Variants in PADI4 observed in about 807,000 individuals in gnomAD.
The protein encoded by PADI4 is peptidyl arginine deiminase 4, also known as protein-arginine deiminase type-4.
A neutral mutation model predicts 75.0 loss-of-function variants in PADI4; 62 were observed. The ratio of observed to expected loss-of-function variants is 0.83; its 90% CI spans 0.67 to 1.02. PADI4 has a LOEUF of 1.02. Ranked by LOEUF, PADI4 falls within the 50% of genes least tolerant of loss-of-function variation. The pLI, the probability that PADI4 is intolerant of heterozygous loss-of-function variation, is 0.00. For missense variants in PADI4, 845 were observed against 850.5 expected (o/e 0.99, Z 0.08); for synonymous variants, 361 against 348.1 (o/e 1.04, Z -0.41).
At chr1:17,358,980 TA>T in intron 14 of PADI4, 72 bp downstream of exon 14, 1 of 1,032,696 alleles carries the variant, frequency 9.7e-7, no homozygotes, top group African/African-American at 1.6e-5. Flanking sequence ...TCCCAGTGAT[TA>T]GAGGCACACA....
chr1:17,359,443 G>A (rs1446383955), intron 15 of PADI4, 35 bp downstream of exon 15: 7 of 1,613,294 alleles, frequency 4.3e-6, no homozygotes, highest in Non-Finnish European at 5.9e-6. Flanking sequence ...CCCAGGGTGT[G>A]GCATGGAGGT....
At position 17,346,956 on chromosome 1, in the gene PADI4, CT is replaced by C. The variant is rs371711731; in HGVS notation, c.1047+827del. ...TTCTTGCCATTCCATCTTTTCTTTTCTTTTTTTTTTCACTCTTGTTGCCCAG... is the reference window on the plus strand; with the variant it reads ...TTCTTGCCATTCCATCTTTTCTTTTCTTTTTTTTTCACTCTTGTTGCCCAG... On this transcript the variant is annotated intron_variant, in intron 9 of 15. Transcript: ENST00000375448. This position sits in a 1 kb window ranked among gnomAD's most constrained non-coding sequence, Gnocchi z 4.3. 1.5e-4 allele frequency among the ~76,000 whole-genome samples: 23 copies of C among 149,608 alleles called. No homozygotes were observed. The highest frequency in any genetic ancestry group is 4.7e-4 in the African/African-American group (19 of 40,756).
chr1:17,329,631 G>T (rs930780564), intron 1 of PADI4, among the ~76,000 whole-genome samples: 1 of 152,164 alleles, frequency 6.6e-6, no homozygotes, highest in South Asian at 2.1e-4. Flanking sequence ...CTCAGGGGTG[G>T]CAGAGGAGGA....
At chr1:17,331,477 A>T (rs959776240) in intron 2 of PADI4, among the ~76,000 whole-genome samples, 1 of 152,256 alleles carries the variant, frequency 6.6e-6, no homozygotes, top group African/African-American at 2.4e-5. Context: ...TGGGGCTTAC[A>T]ACCTATGAAT....
rs1557584839 is a variant in PADI4, at chr1:17,359,348, C to T, written c.1698C>T (p.Asp566=). The part of the protein sequence containing the change: ...ELGLAESDII[D]IPQLFKLKEF... ...GCCTGGCCGAGAGTGACATCATTGA[C>T]ATCCCGCAGCTCTTCAAGCTCAAAG... is the stretch of plus-strand genomic sequence containing the variant. The change falls in exon 15 of 16, where the codon GAC becomes GAT. Residue 566 remains aspartate (D), a synonymous_variant. Transcript: ENST00000375448. 1.2e-6 allele frequency: 2 copies of T among 1,612,966 alleles called. No individual in the cohort carries two copies. Among genetic ancestry groups the T allele is most frequent in the Admixed American group, 1.7e-5 (1 of 59,928 alleles).
intron 2 of PADI4, 95 bp from the exon 3 acceptor site, chr1:17,333,848 C>A: frequency 1.1e-6 from 1 of 906,908 alleles, no homozygotes; most frequent in Non-Finnish European, 1.8e-6. Flanking sequence ...ACTTTGTCTC[C>A]CCAGTGCCCT....
Position 17,363,551 on chromosome 1 carries a change from G to C in PADI4, c.1788G>C (p.Leu596=). 1 of 1,613,812 alleles carries C rather than the reference G, an allele frequency of 6.2e-7. No individual in the cohort carries two copies. Among genetic ancestry groups the C allele is most frequent in the Non-Finnish European group, 8.5e-7 (1 of 1,179,794 alleles). ...ACATGCTGGTGCTAGGGAAGCACCT[G>C]GGCATCCCCAAGCCCTTCGGGCCCG... The part of the protein sequence containing the change: ...MVNMLVLGKH[L]GIPKPFGPVI... The change falls in exon 16 of 16, where the codon CTG becomes CTC. Residue 596 remains leucine (L), a synonymous_variant. Coordinates refer to ENST00000375448, the MANE Select transcript of PADI4 (RefSeq NM_012387.3).
chr1:17,316,581 T>C (rs899102253), intron 1 of PADI4, among the ~76,000 whole-genome samples: 16 of 151,244 alleles, frequency 1.1e-4, no homozygotes, highest in African/African-American at 2.9e-4. Flanking sequence ...TCCCAGCTAC[T>C]TGGGAGGCTG....
intron 11 of PADI4, among the ~76,000 whole-genome samples, chr1:17,355,300 C>A (rs1316572830): frequency 6.6e-6 from 1 of 152,154 alleles, no homozygotes; most frequent in Non-Finnish European, 1.5e-5. Flanking sequence ...ACCTGTAATC[C>A]CAGCACTTTG....
intron 3 of PADI4, 28 bp from the exon 4 acceptor site, chr1:17,336,131 C>A: frequency 1.3e-6 from 2 of 1,567,752 alleles, no homozygotes; most frequent in Non-Finnish European, 1.8e-6. Context: ...CCCTCACCAA[C>A]CTCTCCTCTT....
chr1:17,345,009 A>T (rs1443962543), intron 8 of PADI4, among the ~76,000 whole-genome samples: 1 of 152,208 alleles, frequency 6.6e-6, no homozygotes, highest in East Asian at 1.9e-4. Flanking sequence ...ACAGACACTC[A>T]ACACCAGCCT....
At chr1:17,337,850 G>T (rs762559314) in intron 4 of PADI4, among the ~76,000 whole-genome samples, 188 bp from the exon 5 acceptor site, 2 of 152,180 alleles carry the variant, frequency 1.3e-5, no homozygotes, top group Non-Finnish European at 2.9e-5. Flanking sequence ...GGGGGGTGGA[G>T]GTTGCAGTGA....
chr1:17,337,293 A>C (rs964356502), intron 4 of PADI4, among the ~76,000 whole-genome samples: 3 of 152,106 alleles, frequency 2.0e-5, no homozygotes, highest in South Asian at 4.1e-4. Context: ...TTACAGGTGC[A>C]TGCCTCCACG....
chr1:17,316,266 C>T (rs1007925146), intron 1 of PADI4, among the ~76,000 whole-genome samples: 2 of 151,698 alleles, frequency 1.3e-5, no homozygotes, highest in African/African-American at 2.4e-5. Context: ...TGGTGGTGCA[C>T]GTCTGTAGTC....
chr1:17,360,653 G>T (rs540871435), intron 15 of PADI4, among the ~76,000 whole-genome samples: 1 of 152,178 alleles, frequency 6.6e-6, no homozygotes, highest in Non-Finnish European at 1.5e-5. Context: ...TAACTACCAT[G>T]CTGCCTTCCC....
chr1:17,363,111 C>CA (rs2074869106), intron 15 of PADI4, among the ~76,000 whole-genome samples: 1 of 151,820 alleles, frequency 6.6e-6, no homozygotes, highest in Non-Finnish European at 1.5e-5. Context: ...GCCACCACAC[C>CA]CAGCAATTTT....
intron 1 of PADI4, among the ~76,000 whole-genome samples, chr1:17,311,525 CTT>C (rs563562288): frequency 2.1e-5 from 3 of 145,368 alleles, no homozygotes; most frequent in Admixed American, 6.9e-5. Flanking sequence ...TCTCCTTCTT[CTT>C]TTTTTTTTTT....
intron 1 of PADI4, among the ~76,000 whole-genome samples, chr1:17,327,760 G>A (rs917562619): frequency 2.6e-5 from 4 of 151,746 alleles, no homozygotes; most frequent in South Asian, 2.1e-4. Context: ...TGGCCAGGCC[G>A]GTCTCAAACT....
chr1:17,359,410 T>C lies in PADI4; in HGVS notation c.1758+2T>C, dbSNP rs150221181. Reference sequence around the variant, plus strand: ...GCGGAAGCTTTTTTCCCCAACATGGTGAGGAGGTGGCGGCTTTAAAACCCC... The same window carrying C: ...GCGGAAGCTTTTTTCCCCAACATGGCGAGGAGGTGGCGGCTTTAAAACCCC... On this transcript the variant is annotated splice_donor_variant, in intron 15 of 15. Transcript: ENST00000375448. LOFTEE classifies it high-confidence loss of function. The C allele has an allele frequency of 2.8e-5, 45 of 1,613,818 alleles. No homozygotes were observed. In the African/African-American group the frequency reaches 5.9e-4, roughly 21 times the overall value.
Sources: allele counts gnomAD v4.1 joint callset (sites outside exome capture counted in the v4.1 genomes callset), GRCh38; gene constraint gnomAD v4.1.1; non-coding constraint Gnocchi (gnomAD v3.1); transcripts MANE v1.5; gene names NCBI Gene and HGNC (gene_info 2026-07-23, HGNC 2026-07-21).